The following KCNU1 variants were observed in gnomAD, a reference collection of about 807,000 sequenced individuals.
The protein encoded by KCNU1 is potassium calcium-activated channel subfamily U member 1, also known as potassium channel subfamily U member 1.
In KCNU1, 93 loss-of-function variants were observed where a neutral mutation model predicts 126.8. The observed-to-expected ratio is 0.73, with a 90% CI of 0.62 to 0.87. The LOEUF is 0.87. Ranked by LOEUF, KCNU1 falls within the 40% of genes least tolerant of loss-of-function variation. KCNU1 has a pLI of 0.00. For missense variants in KCNU1, 1,330 were observed against 1,367.1 expected (o/e 0.97, Z 0.43); for synonymous variants, 523 against 494.2 (o/e 1.06, Z -0.77).
rs866074304 is a variant in KCNU1 at position 36,784,580 on chromosome 8, T to C, written c.170T>C (p.Ile57Thr). The C allele has an allele frequency of 6.2e-7, 1 of 1,613,148 alleles. No homozygotes were observed. The highest frequency in any genetic ancestry group is 1.3e-5 in the African/African-American group (1 of 74,930). ...LIWRSVKKWQ[I>T]IKGTGIILEL... ...TGGAGATCTGTTAAAAAATGGCAAA[T>C]CATCAAGGGAACAGGAATTATCTTG... The change falls in exon 1 of 27, where the codon ATC (isoleucine) becomes ACC (threonine). Residue 57 changes from isoleucine to threonine, a missense_variant. Around this residue, in one of 3 missense-constraint regions of KCNU1, gnomAD observed 247 missense variants for 255.4 expected, o/e 0.97. Coordinates refer to ENST00000399881, the MANE Select transcript of KCNU1 (RefSeq NM_001031836.3).
intron 26 of KCNU1, among the ~76,000 whole-genome samples, chr8:36,934,597 T>C (rs915011434): frequency 6.6e-6 from 1 of 152,162 alleles, no homozygotes; most frequent in African/African-American, 2.4e-5. Context: ...ACAGAATATG[T>C]GATCTTGTTC....
Position 36,919,016 on chromosome 8 carries a change from A to C in KCNU1, c.2596+119A>C, listed in dbSNP as rs563680115. On this transcript the variant is annotated intron_variant, in intron 23 of 26. Transcript: ENST00000399881. ...ACTCAGGAACCAGAATGGGGCTCAG[A>C]GCTTTAAGTGCTTGCCCGGATGTTA... 2.0e-3 allele frequency: 1,419 copies of C among 693,738 alleles called. 3 individuals carry two copies. Among genetic ancestry groups the C allele is most frequent in the Non-Finnish European group, 3.3e-3 (1,285 of 388,408 alleles). The allele number at this position is 693,738 out of a possible 1,614,324, so 43.0% of individuals were successfully genotyped here. A position where few individuals can be genotyped will look rare whatever the true frequency, so the allele number is the denominator to read the frequency against.
In KCNU1 at chr8:36,810,995, GA is replaced by G. The variant is rs1212775320; in HGVS notation, c.732+2207del. On this transcript the variant is annotated intron_variant, in intron 7 of 26. Transcript: ENST00000399881. ...TGAAAGTGGGCCAAAAGATATCAGA[GA>G]AAAATAAGAAGAAGTGTATTACAGA... is the stretch of plus-strand genomic sequence containing the variant. Among the ~76,000 whole-genome samples, 3 of 152,180 alleles carry G rather than the reference GA, an allele frequency of 2.0e-5. No individual in the cohort carries two copies. The East Asian group carries it at 5.8e-4, about 29-fold the overall frequency.
intron 19 of KCNU1, chr8:36,888,629 A>T (rs1158712511): frequency 1.9e-6 from 1 of 534,274 alleles, no homozygotes; most frequent in African/African-American, 1.9e-5. Flanking sequence ...CATTGGCAGA[A>T]ATTCCTCCTC....
At chr8:36,904,713 C>T (rs777956392) in intron 19 of KCNU1, among the ~76,000 whole-genome samples, 2 of 152,156 alleles carry the variant, frequency 1.3e-5, no homozygotes, top group Non-Finnish European at 2.9e-5. Flanking sequence ...AGGCTTGGTT[C>T]TCCAGTTCCT....
At chr8:36,859,699 T>C (rs1459630534) in intron 18 of KCNU1, among the ~76,000 whole-genome samples, 1 of 152,186 alleles carries the variant, frequency 6.6e-6, no homozygotes, top group Non-Finnish European at 1.5e-5. Flanking sequence ...TCAAATATTT[T>C]ACAGAGGAAA....
At position 36,935,502 on chromosome 8, in the gene KCNU1, A is replaced by T. The variant is rs1297255100; in HGVS notation, c.3045-13A>T. On this transcript the variant is annotated splice_polypyrimidine_tract_variant and intron_variant, in intron 26 of 26. Coordinates refer to ENST00000399881, the MANE Select transcript of KCNU1 (RefSeq NM_001031836.3). ...TGCAGAACCTCAGCATTTATCTTTGACTTGTCTTACAGGTTTGTGATCACC... is the reference window on the plus strand; with the variant it reads ...TGCAGAACCTCAGCATTTATCTTTGTCTTGTCTTACAGGTTTGTGATCACC... The T allele has an allele frequency of 1.3e-6, 2 of 1,566,214 alleles. No individual in the cohort carries two copies. Among genetic ancestry groups the T allele is most frequent in the South Asian group, 1.2e-5 (1 of 82,042 alleles).
At chr8:36,819,012 G>T (rs1396141858) in intron 10 of KCNU1, among the ~76,000 whole-genome samples, 1 of 152,208 alleles carries the variant, frequency 6.6e-6, no homozygotes, top group Non-Finnish European at 1.5e-5. Context: ...GAAATCAATA[G>T]ATGTGTGACG....
At chr8:36,814,835 C>T (rs529659388) in intron 8 of KCNU1, among the ~76,000 whole-genome samples, 2 of 152,304 alleles carry the variant, frequency 1.3e-5, no homozygotes, top group Admixed American at 6.5e-5. Context: ...AGGCAAAAGC[C>T]TTCTTTTCTT....
At chr8:36,902,182 G>T (rs1295989605) in intron 19 of KCNU1, among the ~76,000 whole-genome samples, 3 of 151,980 alleles carry the variant, frequency 2.0e-5, no homozygotes, top group Admixed American at 6.6e-5. Context: ...TTTAAATATC[G>T]GTCTCCAACA....
intron 19 of KCNU1, among the ~76,000 whole-genome samples, chr8:36,902,789 TGCC>T (rs975851222): frequency 1.9e-4 from 29 of 152,124 alleles, no homozygotes; most frequent in Non-Finnish European, 3.4e-4. Flanking sequence ...GGCATAAGGC[TGCC>T]ATCAGGGTCC....
chr8:36,912,321 A>G (rs1807907218), intron 22 of KCNU1, among the ~76,000 whole-genome samples: 1 of 152,212 alleles, frequency 6.6e-6, no homozygotes, highest in Non-Finnish European at 1.5e-5. Flanking sequence ...AAGGAATAAA[A>G]CAGTAATCTA....
At chr8:36,836,178 A>G (rs887547605) in intron 12 of KCNU1, 118 bp from the exon 13 acceptor site, 16 of 639,818 alleles carry the variant, frequency 2.5e-5, no homozygotes, top group Middle Eastern at 3.0e-4. Flanking sequence ...AATAAACTTT[A>G]TTATATGCCA....
chr8:36,818,291 T>G (rs987852543), intron 10 of KCNU1, among the ~76,000 whole-genome samples: 2 of 152,202 alleles, frequency 1.3e-5, no homozygotes, highest in African/African-American at 4.8e-5. Context: ...TTTGTAATTT[T>G]CAATTTGGTA....
intron 23 of KCNU1, 68 bp from the exon 24 acceptor site, chr8:36,922,422 C>A: frequency 6.6e-7 from 1 of 1,524,550 alleles, no homozygotes. Flanking sequence ...CCTTGGCCTG[C>A]ATGGATGGCA....
intron 18 of KCNU1, among the ~76,000 whole-genome samples, chr8:36,853,741 T>C (rs1165858878): frequency 3.3e-5 from 5 of 152,184 alleles, no homozygotes; most frequent in Non-Finnish European, 7.4e-5. Context: ...TTAGATGGAA[T>C]GTTATATGGA....
At chr8:36,822,987 C>T (rs1236199725) in intron 10 of KCNU1, among the ~76,000 whole-genome samples, 1 of 152,042 alleles carries the variant, frequency 6.6e-6, no homozygotes, top group East Asian at 1.9e-4. Context: ...TGAGAAGGTA[C>T]AATAAATCAT....
intron 19 of KCNU1, among the ~76,000 whole-genome samples, chr8:36,872,777 C>G (rs544854091): frequency 1.3e-5 from 2 of 152,306 alleles, no homozygotes; most frequent in South Asian, 4.1e-4. Flanking sequence ...CTAACACCAA[C>G]AGTTTGAGTA....
At position 36,870,672 on chromosome 8, in the gene KCNU1, T is replaced by G. The variant is rs1307502968; in HGVS notation, c.2009+6151T>G. Among the ~76,000 whole-genome samples the G allele has an allele frequency of 2.0e-5, 3 of 152,184 alleles. No homozygotes were observed. The East Asian group carries it at 5.8e-4, about 29-fold the overall frequency. ...TTATCTGAGCAATTCCTTTTATCCC[T>G]TCTTATTTTATATTAAGCTTTTAAA... On this transcript the variant is annotated intron_variant, in intron 19 of 26. Transcript: ENST00000399881.
Sources: gnomAD v4.1 joint callset for allele counts (sites outside exome capture counted in the v4.1 genomes callset) on GRCh38, gnomAD v4.1.1 for gene constraint, gnomAD v4.1.1 regional missense constraint, MANE v1.5 for transcripts, NCBI Gene and HGNC (gene_info 2026-07-23, HGNC 2026-07-21) for gene names.